ANXA2: variants seen among roughly 807,000 people sequenced by gnomAD.
ANXA2 encodes the protein annexin A2.
In ANXA2, 28 loss-of-function variants were observed where a neutral mutation model predicts 47.3. The ratio of observed to expected loss-of-function variants is 0.59; its 90% CI spans 0.44 to 0.81. The LOEUF (loss-of-function observed/expected upper bound fraction) is 0.81. ANXA2 is among the 40% of genes least tolerant of loss of function. The pLI, the probability that ANXA2 is intolerant of heterozygous loss-of-function variation, is 0.00. For synonymous variants in ANXA2, 172 were observed against 155.5 expected, an observed-to-expected ratio of 1.11 and a Z score of -0.79; for missense variants, 384 against 414.3, an observed-to-expected ratio of 0.93 and a Z score of 0.64.
chr15:60,351,399 C>G (rs3743270), intron 10 of ANXA2, 148 bp from the exon 11 acceptor site: 591,575 of 779,300 alleles, frequency 0.76, 226,706 homozygotes, highest in African/African-American at 0.88. Flanking sequence ...TAAGGGAAAT[C>G]TAGAAATCCT....
At chr15:60,347,767 A>G in intron 12 of ANXA2, 78 bp from the exon 13 acceptor site, 1 of 1,253,796 alleles carries the variant, frequency 8.0e-7, no homozygotes. Context: ...AAGTAGCCTC[A>G]ACGCACAATG....
rs1354097857 is a variant in ANXA2 at position 60,352,377 on chromosome 15, G to A, written c.682+6C>T. 6 of 1,610,412 alleles carry A rather than the reference G, an allele frequency of 3.7e-6. No homozygotes were observed. The highest frequency in any genetic ancestry group is 5.1e-6 in the Non-Finnish European group (6 of 1,176,870). On this transcript the variant is annotated splice_donor_region_variant and intron_variant, in intron 9 of 12. Transcript: ENST00000451270. The surrounding 1 kb of genome is among the most constrained non-coding windows in gnomAD (Gnocchi z 4.2). ...GGCACTGAGACTCCCTCAGCACAGT[G>A]CCCACCTTTCTGGAGGTGGGGCACG...
intron 1 of ANXA2, among the ~76,000 whole-genome samples, chr15:60,389,315 T>C (rs2062976457): frequency 6.6e-6 from 1 of 152,226 alleles, no homozygotes; most frequent in Admixed American, 6.5e-5. Context: ...ATTCCACTTG[T>C]TTATGAAATC....
At chr15:60,355,163 T>C (rs1020674171) in intron 7 of ANXA2, among the ~76,000 whole-genome samples, 4 of 152,114 alleles carry the variant, frequency 2.6e-5, no homozygotes, top group Non-Finnish European at 5.9e-5. Flanking sequence ...TCACAGCAGT[T>C]AGGAGTTTAA....
intron 3 of ANXA2, among the ~76,000 whole-genome samples, chr15:60,368,475 A>C (rs1429901776): frequency 6.6e-6 from 1 of 151,964 alleles, no homozygotes; most frequent in Non-Finnish European, 1.5e-5. Flanking sequence ...TCTTTTTTCC[A>C]TGTAATGGGA....
chr15:60,392,734 T>G (rs1035349485), intron 1 of ANXA2, among the ~76,000 whole-genome samples: 6 of 152,358 alleles, frequency 3.9e-5, no homozygotes, highest in Non-Finnish European at 2.9e-5. Context: ...CACACCCACT[T>G]CACAGTTTAA....
In ANXA2 at chr15:60,364,540, T is replaced by C. The variant is rs771395949; in HGVS notation, c.149-17A>G. 2 of 1,597,852 alleles carry C rather than the reference T, an allele frequency of 1.3e-6. No individual in the cohort carries two copies. Among genetic ancestry groups the C allele is most frequent in the South Asian group, 2.3e-5 (2 of 88,702 alleles). On this transcript the variant is annotated splice_polypyrimidine_tract_variant and intron_variant, in intron 3 of 12. Transcript: ENST00000451270. ...CATCCACACCTATGGAAATACAAGT[T>C]GTTAATCGTTACTCAGTATACTCTA...
In ANXA2 at chr15:60,386,030, C is replaced by G; in HGVS notation, c.46G>C (p.Asp16His). Residue 16 changes from aspartate to histidine, a missense_variant and splice_region_variant, in exon 2 of 13, where the codon GAT becomes CAT. Coordinates refer to ENST00000451270, the MANE Select transcript of ANXA2 (RefSeq NM_004039.3). The part of the protein sequence containing the change: ...EILCKLSLEG[D>H]HSTPPSAYGS... Reference sequence around the variant, plus strand: ...TAAAGTGAAAGTGATATACTTACATCACCCTCCAAGCTGAGCTTGCACAGG... The same window carrying G: ...TAAAGTGAAAGTGATATACTTACATGACCCTCCAAGCTGAGCTTGCACAGG... 1 of 1,610,248 alleles carries G rather than the reference C, an allele frequency of 6.2e-7. No homozygotes were observed. Among genetic ancestry groups the G allele is most frequent in the Non-Finnish European group, 8.5e-7 (1 of 1,177,880 alleles).
chr15:60,397,200 T>C, intron 1 of ANXA2: 1 of 900,172 alleles, frequency 1.1e-6, no homozygotes, highest in Non-Finnish European at 1.3e-6. Context: ...CCTGACTCAT[T>C]GTCACATCAT....
chr15:60,388,634 T>G (rs1279209368), intron 1 of ANXA2, among the ~76,000 whole-genome samples: 1 of 151,884 alleles, frequency 6.6e-6, no homozygotes, highest in Non-Finnish European at 1.5e-5. Context: ...AAGGTCCCAC[T>G]GTGTTGCCCA....
chr15:60,355,839 A>T, intron 7 of ANXA2, 80 bp downstream of exon 7: 1 of 1,178,664 alleles, frequency 8.5e-7, no homozygotes, highest in Non-Finnish European at 1.3e-6. Flanking sequence ...GGATTTAGTT[A>T]ATTCACTCCA....
intron 1 of ANXA2, among the ~76,000 whole-genome samples, chr15:60,389,458 G>A (rs2062978473): frequency 6.6e-6 from 1 of 152,058 alleles, no homozygotes; most frequent in Non-Finnish European, 1.5e-5. Flanking sequence ...GTCCCACATG[G>A]GACTCCCCAG....
chr15:60,397,746 C>CCAG, intron 1 of ANXA2, 197 bp downstream of exon 1: 1 of 829,256 alleles, frequency 1.2e-6, no homozygotes, highest in Non-Finnish European at 1.6e-6. Flanking sequence ...GCCCCTCACC[C>CCAG]CTGCCCCAAA....
At chr15:60,396,078 T>C (rs1047298778) in intron 1 of ANXA2, 6 of 152,208 alleles carry the variant, frequency 3.9e-5, no homozygotes, top group Non-Finnish European at 7.3e-5. Context: ...TATAGATCTG[T>C]TTAGGTGAAC....
rs151160335 is a variant in ANXA2 at position 60,373,222 on chromosome 15, A to G, written c.149-8699T>C. On this transcript the variant is annotated intron_variant, in intron 3 of 12. Coordinates refer to ENST00000451270, the MANE Select transcript of ANXA2 (RefSeq NM_004039.3). ...AATTTTTACATACAAATGCACTTAC[A>G]TTTGGTAATCTGTAGATAATGATTT... Among the ~76,000 whole-genome samples the G allele has an allele frequency of 9.8e-4, 150 of 152,310 alleles. 4 individuals carry two copies. The East Asian group carries it at 0.028, about 28-fold the overall frequency.
At chr15:60,358,703 T>C (rs1200029621) in intron 5 of ANXA2, among the ~76,000 whole-genome samples, 1 of 152,218 alleles carries the variant, frequency 6.6e-6, no homozygotes, top group Non-Finnish European at 1.5e-5. Flanking sequence ...AAAAGGTCCA[T>C]ACAGCATTCT....
chr15:60,389,193 C>T (rs2062974351), intron 1 of ANXA2, among the ~76,000 whole-genome samples: 1 of 152,092 alleles, frequency 6.6e-6, no homozygotes. Flanking sequence ...CTAGTCTCTA[C>T]CATAAACAGG....
At chr15:60,357,680 C>G (rs1248228324) in intron 5 of ANXA2, among the ~76,000 whole-genome samples, 1 of 151,972 alleles carries the variant, frequency 6.6e-6, no homozygotes, top group Admixed American at 6.6e-5. Context: ...GTAGTCCCAG[C>G]TACCCTGGGA....
chr15:60,375,910 C>T (rs1595693133), intron 3 of ANXA2, among the ~76,000 whole-genome samples: 1 of 152,116 alleles, frequency 6.6e-6, no homozygotes, highest in African/African-American at 2.4e-5. Flanking sequence ...GTGCACTGGC[C>T]CAGGCTGAGA....
Sources: allele counts gnomAD v4.1 joint callset (sites outside exome capture counted in the v4.1 genomes callset), GRCh38; gene constraint gnomAD v4.1.1; non-coding constraint Gnocchi (gnomAD v3.1); transcripts MANE v1.5; gene names NCBI Gene and HGNC (gene_info 2026-07-23, HGNC 2026-07-21).